Variants in STK32B observed in about 807,000 individuals in gnomAD.
The protein encoded by STK32B is serine/threonine kinase 32B.
In STK32B, 43 loss-of-function variants were observed where a neutral mutation model predicts 52.6. The ratio of observed to expected loss-of-function variants is 0.82; its 90% CI spans 0.64 to 1.05. STK32B has a LOEUF of 1.05. STK32B is among the 50% of genes least tolerant of loss of function. The probability of loss-of-function intolerance (pLI) is 0.00; values close to 1 mark genes in which losing one functional copy is unlikely to be tolerated. For synonymous variants in STK32B, 238 were observed against 204.3 expected, an observed-to-expected ratio of 1.17 and a Z score of -1.41; for missense variants, 621 against 534.6, an observed-to-expected ratio of 1.16 and a Z score of -1.59.
chr4:5,257,848 TAGG>T (rs1341473980), intron 3 of STK32B, among the ~76,000 whole-genome samples: 2 of 152,060 alleles, frequency 1.3e-5, no homozygotes, highest in Non-Finnish European at 2.9e-5. Flanking sequence ...GAGGCTGATG[TAGG>T]AGAATAGTTT....
rs148781867 is a variant in STK32B, at chr4:5,221,681, C to T, written c.260+53231C>T. The stretch of plus-strand genomic sequence containing the variant: ...GACCATCCTAGCCAACATAGTGAAA[C>T]GCTGTCTCTACTAAAAATACAAAAA... On this transcript the variant is annotated intron_variant, in intron 3 of 11. Transcript: ENST00000282908. 4.6e-3 allele frequency among the ~76,000 whole-genome samples: 706 copies of T among 151,960 alleles called. 6 individuals are homozygous for T. The highest frequency in any genetic ancestry group is 0.016 in the African/African-American group (659 of 41,432).
chr4:5,315,956 C>T (rs183172024), intron 3 of STK32B, among the ~76,000 whole-genome samples: 5 of 150,344 alleles, frequency 3.3e-5, no homozygotes, highest in African/African-American at 7.3e-5. Context: ...CTGCCTGCCT[C>T]GGCCTCCCAA....
At chr4:5,477,585 G>T (rs1245156941) in intron 11 of STK32B, among the ~76,000 whole-genome samples, 1 of 152,172 alleles carries the variant, frequency 6.6e-6, no homozygotes, top group Non-Finnish European at 1.5e-5. Context: ...TGTGTTCCTT[G>T]TTCACGCTGT....
intron 4 of STK32B, among the ~76,000 whole-genome samples, chr4:5,361,406 G>A (rs1270016233): frequency 1.3e-5 from 2 of 151,886 alleles, no homozygotes; most frequent in Non-Finnish European, 2.9e-5. Flanking sequence ...TTTATTTATG[G>A]TGTCATCCAG....
rs562523199 is a variant in STK32B at position 5,485,906 on chromosome 4, T to A, written c.1107-13039T>A. ...AGCGAAGGCTGCAGAACAGTGGATA[T>A]TGGTGAACAGCAAATGTTGCTGCCT... On this transcript the variant is annotated intron_variant, in intron 11 of 11. Coordinates refer to ENST00000282908, the MANE Select transcript of STK32B (RefSeq NM_018401.3). 3.9e-5 allele frequency among the ~76,000 whole-genome samples: 6 copies of A among 152,286 alleles called. No individual in the cohort carries two copies. The East Asian group carries it at 1.2e-3, about 29-fold the overall frequency.
At chr4:5,144,591 T>C (rs548942920) in intron 2 of STK32B, among the ~76,000 whole-genome samples, 1 of 152,196 alleles carries the variant, frequency 6.6e-6, no homozygotes, top group Admixed American at 6.5e-5. Context: ...TGATAAATGG[T>C]GGGATAAGGC....
At chr4:5,244,857 G>T (rs531334875) in intron 3 of STK32B, among the ~76,000 whole-genome samples, 5 of 152,302 alleles carry the variant, frequency 3.3e-5, no homozygotes, top group Non-Finnish European at 7.4e-5. Flanking sequence ...TCAGGAGCAG[G>T]TTGTTAAGTT....
chr4:5,050,967 T>C (rs1354755449), upstream of STK32B, among the ~76,000 whole-genome samples: 1 of 152,182 alleles, frequency 6.6e-6, no homozygotes, highest in Admixed American at 6.5e-5. Flanking sequence ...AGTTTCCCCA[T>C]GTACAATGAA....
chr4:5,438,886 AATG>A (rs1199769351), intron 6 of STK32B, among the ~76,000 whole-genome samples: 1 of 151,754 alleles, frequency 6.6e-6, no homozygotes, highest in African/African-American at 2.4e-5. Context: ...ATTTACTGAG[AATG>A]ATGATTTCCA....
chr4:5,391,316 C>G (rs772631087), intron 4 of STK32B, among the ~76,000 whole-genome samples: 1 of 152,084 alleles, frequency 6.6e-6, no homozygotes, highest in Non-Finnish European at 1.5e-5. Flanking sequence ...CAGCCTAATC[C>G]AGGACAACTT....
chr4:5,375,482 G>T (rs916785256), intron 4 of STK32B, among the ~76,000 whole-genome samples: 2 of 151,998 alleles, frequency 1.3e-5, no homozygotes, highest in African/African-American at 4.8e-5. Flanking sequence ...AAATTTTCTT[G>T]ACTTCATCTT....
intron 4 of STK32B, among the ~76,000 whole-genome samples, chr4:5,357,018 T>C (rs1430312552): frequency 1.9e-4 from 28 of 150,490 alleles, no homozygotes; most frequent in Admixed American, 4.6e-4. Context: ...TATATATATA[T>C]ATATACACAC....
the STK32B span, chr4:5,019,488 C>G: frequency 7.0e-7 from 1 of 1,433,852 alleles, no homozygotes; most frequent in South Asian, 1.4e-5. Flanking sequence ...CCCCTTTATG[C>G]AGGCTGGGGG....
At chr4:5,041,081 A>T in the STK32B span, among the ~76,000 whole-genome samples, 1 of 152,152 alleles carries the variant, frequency 6.6e-6, no homozygotes, top group Non-Finnish European at 1.5e-5. Flanking sequence ...TCTGCTACGT[A>T]TGGTTCCTGC....
chr4:5,352,920 T>C (rs73093822), intron 4 of STK32B, among the ~76,000 whole-genome samples: 25,028 of 152,006 alleles, frequency 0.16, 3,070 homozygotes, highest in African/African-American at 0.35. Context: ...CCGAAATTCA[T>C]AGGGAACCAC....
chr4:5,365,644 T>G (rs1178948882), intron 4 of STK32B, among the ~76,000 whole-genome samples: 1 of 152,164 alleles, frequency 6.6e-6, no homozygotes, highest in Non-Finnish European at 1.5e-5. Context: ...ACCAGTTGCA[T>G]GAAAGTACAA....
At chr4:5,346,887 T>C (rs1189340356) in intron 4 of STK32B, among the ~76,000 whole-genome samples, 2 of 152,126 alleles carry the variant, frequency 1.3e-5, no homozygotes, top group Non-Finnish European at 2.9e-5. Context: ...CTTACAATCA[T>C]GGTGGAAAGG....
intron 4 of STK32B, among the ~76,000 whole-genome samples, chr4:5,365,276 T>C (rs1052204103): frequency 5.3e-5 from 8 of 152,202 alleles, no homozygotes; most frequent in African/African-American, 2.4e-5. Flanking sequence ...ACTTCTGTAA[T>C]AGAAAAGATT....
the STK32B span, among the ~76,000 whole-genome samples, chr4:5,035,943 G>A: frequency 2.0e-5 from 3 of 151,796 alleles, no homozygotes; most frequent in South Asian, 2.1e-4. Flanking sequence ...CACCACACCC[G>A]GCTAATTTTT....
Sources: gnomAD v4.1 joint callset for allele counts (sites outside exome capture counted in the v4.1 genomes callset) on GRCh38, gnomAD v4.1.1 for gene constraint, MANE v1.5 for transcripts, NCBI Gene and HGNC (gene_info 2026-07-23, HGNC 2026-07-21) for gene names.